Variants in CCDC178 observed in about 807,000 individuals in gnomAD.
The protein encoded by CCDC178 is coiled-coil domain-containing protein 178.
Under a neutral mutation model 117.4 loss-of-function variants are expected in CCDC178, and 126 were observed. That is an observed-to-expected ratio of 1.07 (90% CI 0.93 to 1.24). The LOEUF (loss-of-function observed/expected upper bound fraction) is 1.24. Among genes scored for constraint, CCDC178 ranks in the 50% most tolerant of loss-of-function variants. The probability of loss-of-function intolerance (pLI) is 0.00; values close to 1 mark genes in which losing one functional copy is unlikely to be tolerated. For missense variants in CCDC178, 1,030 were observed against 986.9 expected, an observed-to-expected ratio of 1.04 and a Z score of -0.59; for synonymous variants, 283 against 313.4, an observed-to-expected ratio of 0.90 and a Z score of 1.02.
At chr18:33,039,748 A>T (rs2056512489) in intron 21 of CCDC178, among the ~76,000 whole-genome samples, 1 of 151,990 alleles carries the variant, frequency 6.6e-6, no homozygotes, top group Admixed American at 6.6e-5. Context: ...ATGACAATAC[A>T]ATGACCCTTC....
At chr18:33,274,386 T>C (rs114333614) in intron 12 of CCDC178, among the ~76,000 whole-genome samples, 3 of 152,100 alleles carry the variant, frequency 2.0e-5, no homozygotes, top group African/African-American at 7.2e-5. Context: ...TCACATGACC[T>C]GGCAATTCCA....
At chr18:33,002,113 C>A (rs553478999) in intron 21 of CCDC178, among the ~76,000 whole-genome samples, 8 of 152,108 alleles carry the variant, frequency 5.3e-5, no homozygotes, top group South Asian at 2.1e-4. Flanking sequence ...CAGCATTGGG[C>A]AGCTGTCTCA....
intron 20 of CCDC178, among the ~76,000 whole-genome samples, chr18:33,198,232 A>G (rs1220248046): frequency 2.6e-5 from 4 of 152,146 alleles, no homozygotes; most frequent in African/African-American, 9.7e-5. Flanking sequence ...CTGATAACTC[A>G]CTAAAGACAA....
intron 15 of CCDC178, among the ~76,000 whole-genome samples, chr18:33,231,252 T>C (rs934144122): frequency 1.3e-5 from 2 of 152,012 alleles, no homozygotes; most frequent in Non-Finnish European, 2.9e-5. Context: ...TATCTAATTA[T>C]GAAGAAACAA....
At chr18:33,232,158 G>GT (rs2059374803) in intron 15 of CCDC178, among the ~76,000 whole-genome samples, 1 of 152,086 alleles carries the variant, frequency 6.6e-6, no homozygotes, top group Non-Finnish European at 1.5e-5. Context: ...CTGGAAAGAG[G>GT]GCACATTCAA....
Position 32,950,933 on chromosome 18 carries a change from C to G in CCDC178, c.2524-12842G>C, listed in dbSNP as rs572983703. The stretch of plus-strand genomic sequence containing the variant: ...CATAATTTCAGTTACCACTAATATG[C>G]TGATGTCTTCTAACATATTTTTTTC... On this transcript the variant is annotated intron_variant, in intron 22 of 22. Coordinates refer to ENST00000383096, the MANE Select transcript of CCDC178 (RefSeq NM_001105528.4). Among the ~76,000 whole-genome samples the G allele has an allele frequency of 2.0e-4, 31 of 152,272 alleles. No homozygotes were observed. The South Asian group carries it at 6.2e-3, about 31-fold the overall frequency.
chr18:33,191,087 T>C lies in CCDC178; in HGVS notation c.2238+20809A>G, dbSNP rs547260591. 2.3e-4 allele frequency among the ~76,000 whole-genome samples: 35 copies of C among 152,328 alleles called. No homozygotes were observed. In the South Asian group the frequency reaches 6.4e-3, roughly 28 times the overall value. On this transcript the variant is annotated intron_variant, in intron 20 of 22. Coordinates refer to ENST00000383096, the MANE Select transcript of CCDC178 (RefSeq NM_001105528.4). ...TATACATTTATCTATTATTCTGTTA[T>C]GTTCCACAATTCTTAGCTTTCTCAA... is the stretch of plus-strand genomic sequence containing the variant.
At chr18:33,366,795 G>A (rs541672155) in intron 6 of CCDC178, among the ~76,000 whole-genome samples, 26 of 152,094 alleles carry the variant, frequency 1.7e-4, no homozygotes, top group Non-Finnish European at 2.5e-4. Flanking sequence ...TGAAAGGGTG[G>A]TCCTGTTGTT....
chr18:33,222,130 CAT>C (rs1370392887), intron 18 of CCDC178, among the ~76,000 whole-genome samples: 1 of 152,012 alleles, frequency 6.6e-6, no homozygotes, highest in East Asian at 1.9e-4. Flanking sequence ...AAACAGTAGA[CAT>C]ATGTCAATAG....
At chr18:33,087,908 G>A (rs2057405631) in intron 21 of CCDC178, among the ~76,000 whole-genome samples, 1 of 152,106 alleles carries the variant, frequency 6.6e-6, no homozygotes, top group Non-Finnish European at 1.5e-5. Flanking sequence ...TACAAAGTGA[G>A]TATTAAAGAA....
chr18:33,263,209 G>T (rs909447263), intron 14 of CCDC178, among the ~76,000 whole-genome samples: 19 of 152,300 alleles, frequency 1.2e-4, no homozygotes, highest in Non-Finnish European at 2.6e-4. Flanking sequence ...ATAGCCTCAT[G>T]AATGGGATAG....
chr18:33,245,408 T>C lies in CCDC178; in HGVS notation c.1430A>G (p.Tyr477Cys). 1 of 1,565,864 alleles carries C rather than the reference T, an allele frequency of 6.4e-7. No homozygotes were observed. Among genetic ancestry groups the C allele is most frequent in the South Asian group, 1.2e-5 (1 of 82,078 alleles). The change falls in exon 15 of 23, where the codon TAC becomes TGC. Residue 477 changes from tyrosine to cysteine, a missense_variant. By Grantham distance (194) the Tyr-to-Cys change is radical. Coordinates refer to ENST00000383096, the MANE Select transcript of CCDC178 (RefSeq NM_001105528.4). Reference protein sequence around the residue: ...TNESIRKKSKYESEIKYLTIM... With the variant: ...TNESIRKKSKCESEIKYLTIM... ...TGTCAAATATTTTATTTCAGATTCG[T>C]ATTTTGATTTTTTCCGTATGCTGTA...
intron 21 of CCDC178, among the ~76,000 whole-genome samples, chr18:33,007,181 T>C (rs2055769539): frequency 6.6e-6 from 1 of 152,052 alleles, no homozygotes; most frequent in African/African-American, 2.4e-5. Context: ...GGGAATAATC[T>C]ATGTTCACAG....
intron 20 of CCDC178, among the ~76,000 whole-genome samples, chr18:33,110,255 T>C (rs1421747336): frequency 2.0e-5 from 3 of 151,634 alleles, no homozygotes; most frequent in Non-Finnish European, 4.4e-5. Context: ...CCTGTCTTTA[T>C]TGTTTTGTTA....
intron 21 of CCDC178, among the ~76,000 whole-genome samples, chr18:33,020,531 G>C (rs2056092996): frequency 6.6e-6 from 1 of 152,156 alleles, no homozygotes; most frequent in South Asian, 2.1e-4. Flanking sequence ...ATAAGTCCAT[G>C]AGCCCACTTT....
intron 21 of CCDC178, among the ~76,000 whole-genome samples, chr18:33,039,901 T>C (rs1335824822): frequency 6.6e-6 from 1 of 151,904 alleles, no homozygotes; most frequent in East Asian, 1.9e-4. Context: ...TTCACTCTAT[T>C]CATCCCACAG....
chr18:33,323,443 A>T (rs1000840595), intron 11 of CCDC178, 48 bp downstream of exon 11: 4 of 1,235,476 alleles, frequency 3.2e-6, no homozygotes, highest in African/African-American at 1.6e-5. Context: ...TTTTTACTTA[A>T]CATTTAATTT....
intron 9 of CCDC178, among the ~76,000 whole-genome samples, chr18:33,338,042 C>G (rs981219082): frequency 1.3e-5 from 2 of 151,994 alleles, no homozygotes; most frequent in African/African-American, 4.8e-5. Flanking sequence ...CTACAAAGAA[C>G]TCAAATCAGC....
chr18:33,084,957 G>A (rs17814537), intron 21 of CCDC178, among the ~76,000 whole-genome samples: 2,844 of 152,136 alleles, frequency 0.019, 55 homozygotes, highest in East Asian at 0.1. Flanking sequence ...CTGGGCATTA[G>A]ATGTCTTACC....
Sources: gnomAD v4.1 joint callset for allele counts (sites outside exome capture counted in the v4.1 genomes callset) on GRCh38, gnomAD v4.1.1 for gene constraint, MANE v1.5 for transcripts, NCBI Gene and HGNC (gene_info 2026-07-23, HGNC 2026-07-21) for gene names.